Variants in CACNA2D3 observed in about 807,000 individuals in gnomAD.
The protein encoded by CACNA2D3 is calcium voltage-gated channel auxiliary subunit alpha2delta 3, also known as voltage-dependent calcium channel subunit alpha-2/delta-3.
Under a neutral mutation model 160.6 loss-of-function variants are expected in CACNA2D3, and 60 were observed. The ratio of observed to expected loss-of-function variants is 0.37; its 90% CI spans 0.30 to 0.46. The LOEUF (loss-of-function observed/expected upper bound fraction) is 0.46, where lower values mean the gene tolerates loss of function less well. Ranked by LOEUF, CACNA2D3 falls within the 20% of genes least tolerant of loss-of-function variation. The pLI, the probability that CACNA2D3 is intolerant of heterozygous loss-of-function variation, is 1.00. For synonymous variants in CACNA2D3, 558 were observed against 492.9 expected (o/e 1.13, Z -1.75); for missense variants, 1,205 against 1,365.0 (o/e 0.88, Z 1.85).
chr3:54,918,669 C>T (rs761901691), intron 27 of CACNA2D3: 1 of 1,614,170 alleles, frequency 6.2e-7, no homozygotes, highest in Non-Finnish European at 8.5e-7. Context: ...CCGGCCTTGG[C>T]TTGGGTTTGA....
At chr3:54,202,913 A>G (rs1701204122) in intron 2 of CACNA2D3, among the ~76,000 whole-genome samples, 1 of 152,062 alleles carries the variant, frequency 6.6e-6, no homozygotes, top group Non-Finnish European at 1.5e-5. Flanking sequence ...GGCTTAGGGG[A>G]GAGTGTATGT....
intron 17 of CACNA2D3, among the ~76,000 whole-genome samples, chr3:54,866,513 C>T (rs1699404196): frequency 6.6e-6 from 1 of 152,184 alleles, no homozygotes; most frequent in Admixed American, 6.5e-5. Flanking sequence ...TTCTTCCTCT[C>T]CCACCCCATC....
intron 4 of CACNA2D3, among the ~76,000 whole-genome samples, chr3:54,392,823 A>AGC (rs1241794315): frequency 1.3e-5 from 2 of 152,200 alleles, no homozygotes; most frequent in African/African-American, 4.8e-5. Context: ...AGGGCAGCTC[A>AGC]GGAGCCCCAG....
intron 13 of CACNA2D3, among the ~76,000 whole-genome samples, chr3:54,810,148 C>T (rs1559590696): frequency 1.3e-5 from 2 of 152,084 alleles, no homozygotes; most frequent in Non-Finnish European, 1.5e-5. Flanking sequence ...ATTAACCAAC[C>T]AGAGGAAAGA....
chr3:54,716,460 A>G (rs147028258), intron 11 of CACNA2D3, among the ~76,000 whole-genome samples: 9 of 152,308 alleles, frequency 5.9e-5, no homozygotes, highest in African/African-American at 2.2e-4. Context: ...TTGCGTGTGA[A>G]AAGGAGGGGG....
intron 14 of CACNA2D3, among the ~76,000 whole-genome samples, chr3:54,823,577 C>T (rs1436917508): frequency 1.3e-5 from 2 of 151,952 alleles, no homozygotes; most frequent in East Asian, 1.9e-4. Flanking sequence ...GCCAAAATAC[C>T]TGAAATGAGA....
At chr3:54,663,860 C>T (rs143573828) in intron 11 of CACNA2D3, among the ~76,000 whole-genome samples, 1 of 152,218 alleles carries the variant, frequency 6.6e-6, no homozygotes, top group South Asian at 2.1e-4. Flanking sequence ...CACTGCCACC[C>T]TCTCCTGCCT....
chr3:54,806,365 C>T (rs1703123314), intron 13 of CACNA2D3, among the ~76,000 whole-genome samples: 1 of 152,116 alleles, frequency 6.6e-6, no homozygotes, highest in African/African-American at 2.4e-5. Context: ...TCTCAGGATA[C>T]AAAATCAATG....
At chr3:54,873,305 G>C (rs1169604182) in intron 18 of CACNA2D3, among the ~76,000 whole-genome samples, 8 of 152,116 alleles carry the variant, frequency 5.3e-5, no homozygotes, top group Non-Finnish European at 4.4e-5. Flanking sequence ...TGAATGTCCT[G>C]TGGATTTACA....
At chr3:54,686,238 C>G (rs1446925277) in intron 11 of CACNA2D3, among the ~76,000 whole-genome samples, 1 of 152,194 alleles carries the variant, frequency 6.6e-6, no homozygotes, top group Non-Finnish European at 1.5e-5. Context: ...TGCTTTTTCA[C>G]TATGTGGCTG....
intron 27 of CACNA2D3, among the ~76,000 whole-genome samples, chr3:54,915,070 GA>G (rs1700633016): frequency 6.6e-6 from 1 of 152,194 alleles, no homozygotes; most frequent in Admixed American, 6.5e-5. Flanking sequence ...CCTTCAGGAA[GA>G]AATCTGTGTG....
intron 27 of CACNA2D3, chr3:54,927,897 G>T: frequency 6.2e-7 from 1 of 1,613,650 alleles, no homozygotes. Flanking sequence ...GAATTGATCA[G>T]GGCTCACCTT....
At chr3:54,749,471 T>A (rs910975693) in intron 11 of CACNA2D3, among the ~76,000 whole-genome samples, 1 of 152,258 alleles carries the variant, frequency 6.6e-6, no homozygotes, top group African/African-American at 2.4e-5. Flanking sequence ...CTACCACTTC[T>A]GTCCTTTTTG....
chr3:54,158,837 T>C (rs1431587960), intron 2 of CACNA2D3, among the ~76,000 whole-genome samples: 1 of 152,258 alleles, frequency 6.6e-6, no homozygotes, highest in Non-Finnish European at 1.5e-5. Flanking sequence ...TCTTCTGTGA[T>C]GGTCATTAGT....
rs1702520114 is a variant in CACNA2D3 at position 54,266,533 on chromosome 3, G to A, written c.205-53909G>A. 2.6e-5 allele frequency among the ~76,000 whole-genome samples: 4 copies of A among 152,170 alleles called. No homozygotes were observed. The South Asian group carries it at 6.2e-4, about 24-fold the overall frequency. On this transcript the variant is annotated intron_variant, in intron 2 of 37. Transcript: ENST00000474759. ...GCCCTCTTGTTGCATGGGTATCTTA[G>A]GAACGCAAGCCCTGACCTGGTTTGC... is the stretch of plus-strand genomic sequence containing the variant.
chr3:54,831,562 A>T (rs1376916066), intron 14 of CACNA2D3, among the ~76,000 whole-genome samples: 1 of 152,236 alleles, frequency 6.6e-6, no homozygotes, highest in Non-Finnish European at 1.5e-5. Flanking sequence ...GGCTTGACAT[A>T]AAATTCTAGT....
At chr3:54,692,876 C>T (rs1700595126) in intron 11 of CACNA2D3, among the ~76,000 whole-genome samples, 1 of 152,222 alleles carries the variant, frequency 6.6e-6, no homozygotes, top group Non-Finnish European at 1.5e-5. Flanking sequence ...TCATCCTCTG[C>T]TGAGAATTTA....
chr3:54,402,128 A>G (rs937388334), intron 4 of CACNA2D3, among the ~76,000 whole-genome samples: 2 of 152,196 alleles, frequency 1.3e-5, no homozygotes, highest in Admixed American at 1.3e-4. Flanking sequence ...CCTATAGCAT[A>G]TATACCAATG....
intron 12 of CACNA2D3, among the ~76,000 whole-genome samples, chr3:54,753,629 G>T (rs576927502): frequency 9.9e-5 from 15 of 152,252 alleles, no homozygotes; most frequent in African/African-American, 2.9e-4. Context: ...AGTTTGATAT[G>T]TTCTTATAGC....
Sources: gnomAD v4.1 joint callset for allele counts (sites outside exome capture counted in the v4.1 genomes callset) on GRCh38, gnomAD v4.1.1 for gene constraint, MANE v1.5 for transcripts, NCBI Gene and HGNC (gene_info 2026-07-23, HGNC 2026-07-21) for gene names.